The following CBL variants were observed in gnomAD, a reference collection of about 807,000 sequenced individuals.
CBL encodes Cbl proto-oncogene, also known as E3 ubiquitin-protein ligase CBL.
CBL carries 45 observed loss-of-function variants against 96.9 expected under a neutral mutation model. That is an observed-to-expected ratio of 0.46 (90% CI 0.37 to 0.60). CBL has a LOEUF of 0.60. Ranked by LOEUF, CBL falls within the 20% of genes least tolerant of loss-of-function variation. The pLI is 0.00. For missense variants in CBL, 1,024 were observed against 1,143.5 expected, an observed-to-expected ratio of 0.90 and a Z score of 1.51; for synonymous variants, 420 against 426.8, an observed-to-expected ratio of 0.98 and a Z score of 0.20.
Position 119,206,667 on chromosome 11 carries a change from C to T in CBL, c.195+55C>T, listed in dbSNP as rs1949271859. 7 of 1,139,172 alleles carry T rather than the reference C, an allele frequency of 6.1e-6. No homozygotes were observed. The Admixed American group carries it at 1.7e-4, about 27-fold the overall frequency. The allele number at this position is 1,139,172 out of a possible 1,614,324, so 70.6% of individuals were successfully genotyped here. A position where few individuals can be genotyped will look rare whatever the true frequency, so the allele number is the denominator to read the frequency against. ...CAGGGTGGGCGTGGGCGGAGGGCCG[C>T]GGGGAGGGGAACGAGCGGACGGAGG... On this transcript the variant is annotated intron_variant, in intron 1 of 15. Coordinates refer to ENST00000264033, the MANE Select transcript of CBL (RefSeq NM_005188.4).
chr11:119,243,397 C>G (rs1949601946), intron 2 of CBL, among the ~76,000 whole-genome samples: 1 of 151,722 alleles, frequency 6.6e-6, no homozygotes, highest in Non-Finnish European at 1.5e-5. Flanking sequence ...AGTGATATGC[C>G]CGCTTCACCC....
intron 1 of CBL, among the ~76,000 whole-genome samples, chr11:119,228,971 T>C (rs1367600223): frequency 1.3e-5 from 2 of 152,012 alleles, no homozygotes; most frequent in Non-Finnish European, 2.9e-5. Context: ...CCACCATGCC[T>C]GGCTAATTTT....
intron 2 of CBL, among the ~76,000 whole-genome samples, chr11:119,255,226 C>T (rs918462031): frequency 1.3e-5 from 2 of 151,894 alleles, no homozygotes; most frequent in East Asian, 1.9e-4. Flanking sequence ...TGTGGAGCTT[C>T]GGGAAGGTGC....
chr11:119,225,088 G>A (rs1336293573), intron 1 of CBL, among the ~76,000 whole-genome samples: 2 of 150,970 alleles, frequency 1.3e-5, no homozygotes, highest in African/African-American at 4.9e-5. Flanking sequence ...GCGCTTGTAT[G>A]TATGCATGTA....
chr11:119,252,329 G>T (rs1396322015), intron 2 of CBL, among the ~76,000 whole-genome samples: 5 of 151,448 alleles, frequency 3.3e-5, no homozygotes, highest in Non-Finnish European at 7.4e-5. Flanking sequence ...TTTTTTCAGG[G>T]TATTTACATT....
At chr11:119,284,324 G>A (rs1035158190) in intron 9 of CBL, among the ~76,000 whole-genome samples, 6 of 150,712 alleles carry the variant, frequency 4.0e-5, no homozygotes, top group Non-Finnish European at 4.4e-5. Flanking sequence ...TATTTTTGTC[G>A]AGACAGGCTC....
At chr11:119,265,656 G>A (rs1949796525) in intron 2 of CBL, among the ~76,000 whole-genome samples, 1 of 152,130 alleles carries the variant, frequency 6.6e-6, no homozygotes, top group Non-Finnish European at 1.5e-5. Context: ...GAAGCCCAAG[G>A]TGGGTGGATC....
At chr11:119,227,677 A>C (rs538297200) in intron 1 of CBL, among the ~76,000 whole-genome samples, 1 of 151,952 alleles carries the variant, frequency 6.6e-6, no homozygotes, top group African/African-American at 2.4e-5. Flanking sequence ...CAGCCTCCCA[A>C]GTAGCTGGGA....
intron 12 of CBL, among the ~76,000 whole-genome samples, chr11:119,288,472 CAGACAG>C (rs749350811): frequency 9.2e-6 from 1 of 108,976 alleles, no homozygotes; most frequent in African/African-American, 3.1e-5. Context: ...AGTGTTTGCA[CAGACAG>C]AGAGAGAGAG....
At chr11:119,229,727 T>C (rs966923315) in intron 1 of CBL, among the ~76,000 whole-genome samples, 11 of 137,928 alleles carry the variant, frequency 8.0e-5, no homozygotes, top group Non-Finnish European at 1.4e-4. Flanking sequence ...AAGAGTTGTG[T>C]TTTGTTTTTT....
At chr11:119,227,657 TCTC>T (rs1949469472) in intron 1 of CBL, among the ~76,000 whole-genome samples, 1 of 152,028 alleles carries the variant, frequency 6.6e-6, no homozygotes, top group African/African-American at 2.4e-5. Context: ...TTCAAGCAAT[TCTC>T]CTGCCTCAGC....
chr11:119,240,844 G>A (rs1482626202), intron 2 of CBL, among the ~76,000 whole-genome samples: 1 of 152,072 alleles, frequency 6.6e-6, no homozygotes, highest in Non-Finnish European at 1.5e-5. Flanking sequence ...AGGCTGAGGT[G>A]GGTGGATCAC....
intron 2 of CBL, among the ~76,000 whole-genome samples, chr11:119,263,195 A>T (rs1949767696): frequency 6.6e-6 from 1 of 152,196 alleles, no homozygotes; most frequent in Non-Finnish European, 1.5e-5. Flanking sequence ...GCGTAGATAG[A>T]GTGTTTGGTG....
chr11:119,209,034 G>T (rs759579224), intron 1 of CBL, among the ~76,000 whole-genome samples: 7 of 152,064 alleles, frequency 4.6e-5, no homozygotes, highest in African/African-American at 9.7e-5. Flanking sequence ...AATACTGTCT[G>T]TTCCCCTCTT....
chr11:119,284,692 T>C (rs1240332128), intron 9 of CBL, among the ~76,000 whole-genome samples: 1 of 152,322 alleles, frequency 6.6e-6, no homozygotes. Flanking sequence ...AGGAAACTTT[T>C]TGTAGCCCTG....
intron 1 of CBL, among the ~76,000 whole-genome samples, chr11:119,220,570 A>G (rs901690952): frequency 6.6e-6 from 1 of 152,152 alleles, no homozygotes; most frequent in Admixed American, 6.5e-5. Context: ...CTGCACTCCA[A>G]TGTGGGCGAC....
intron 1 of CBL, among the ~76,000 whole-genome samples, chr11:119,222,772 A>C (rs2135258387): frequency 1.3e-5 from 2 of 152,300 alleles, no homozygotes; most frequent in East Asian, 3.9e-4. Flanking sequence ...ATGTTTGTTA[A>C]CTATTGACTT....
chr11:119,278,100 T>C, intron 7 of CBL, 66 bp from the exon 8 acceptor site: 3 of 1,322,704 alleles, frequency 2.3e-6, no homozygotes, highest in Non-Finnish European at 3.2e-6. Context: ...CTTCACTTTT[T>C]CTGTTAACAT....
chr11:119,234,438 G>A (rs577477341), intron 2 of CBL, among the ~76,000 whole-genome samples: 2 of 152,208 alleles, frequency 1.3e-5, no homozygotes, highest in Admixed American at 6.5e-5. Context: ...AACCTCGACT[G>A]TATGGACCTT....
Sources: allele counts gnomAD v4.1 joint callset (sites outside exome capture counted in the v4.1 genomes callset), GRCh38; gene constraint gnomAD v4.1.1; transcripts MANE v1.5; gene names NCBI Gene and HGNC (gene_info 2026-07-23, HGNC 2026-07-21).